The following CCDC158 variants were observed in gnomAD, a reference collection of about 807,000 sequenced individuals.
CCDC158 encodes the protein coiled-coil domain-containing protein 158.
CCDC158 carries 116 observed loss-of-function variants against 138.6 expected under a neutral mutation model. That is an observed-to-expected ratio of 0.84 (90% CI 0.72 to 0.98). The LOEUF is 0.98. Among genes scored for constraint, CCDC158 ranks in the 50% least tolerant of loss-of-function variants. The probability of loss-of-function intolerance (pLI) is 0.00; values close to 1 mark genes in which losing one functional copy is unlikely to be tolerated. For missense variants in CCDC158, 1,265 were observed against 1,306.1 expected, an observed-to-expected ratio of 0.97 and a Z score of 0.48; for synonymous variants, 436 against 442.4, an observed-to-expected ratio of 0.99 and a Z score of 0.18.
At chr4:76,331,027 T>C (rs1186528203) in intron 21 of CCDC158, among the ~76,000 whole-genome samples, 2 of 152,222 alleles carry the variant, frequency 1.3e-5, no homozygotes, top group African/African-American at 4.8e-5. Flanking sequence ...CAGCAATGAA[T>C]TAGCCCCTAT....
At position 76,383,676 on chromosome 4, in the gene CCDC158, T is replaced by C; in HGVS notation, c.789A>G (p.Gln263=). ...CAGAAACCTACCTATCTTGGTGTTG[T>C]TGCAGAAGTAGTTCTATTTTGTTCT... ...ESQNKIELLL[Q]QHQDRIEQLI... Residue 263 remains glutamine (Q), a synonymous_variant, in exon 7 of 25, where the codon CAA becomes CAG. Coordinates refer to ENST00000682701, the MANE Select transcript of CCDC158 (RefSeq NM_001394954.1). 1 of 1,612,726 alleles carries C rather than the reference T, an allele frequency of 6.2e-7. No homozygotes were observed. The highest frequency in any genetic ancestry group is 1.1e-5 in the South Asian group (1 of 91,038).
At chr4:76,417,719 C>T (rs930424406) in intron 1 of CCDC158, among the ~76,000 whole-genome samples, 1 of 152,220 alleles carries the variant, frequency 6.6e-6, no homozygotes, top group Non-Finnish European at 1.5e-5. Flanking sequence ...CAGACTAACA[C>T]AGCTCCTCTA....
chr4:76,404,552 GATGAA>G (rs1238603727), intron 2 of CCDC158, among the ~76,000 whole-genome samples: 4 of 151,994 alleles, frequency 2.6e-5, no homozygotes, highest in African/African-American at 7.2e-5. Flanking sequence ...AACAGGAAGA[GATGAA>G]ATGAGAGTTG....
At chr4:76,405,897 C>T (rs904617443) in intron 2 of CCDC158, among the ~76,000 whole-genome samples, 1 of 151,834 alleles carries the variant, frequency 6.6e-6, no homozygotes, top group Admixed American at 6.6e-5. Flanking sequence ...AAAGAAGAAA[C>T]ACCAAATAAA....
intron 18 of CCDC158, chr4:76,345,188 G>A: frequency 1.0e-6 from 1 of 974,572 alleles, no homozygotes; most frequent in Non-Finnish European, 1.7e-6. Flanking sequence ...AGGTTGCTGT[G>A]CTATTTGACA....
At chr4:76,418,339 T>C (rs1729857220) in intron 1 of CCDC158, among the ~76,000 whole-genome samples, 1 of 152,128 alleles carries the variant, frequency 6.6e-6, no homozygotes, top group Non-Finnish European at 1.5e-5. Flanking sequence ...TAAAACTGAA[T>C]TGTGTGCTGA....
chr4:76,315,725 C>T (rs1170556382), intron 24 of CCDC158, among the ~76,000 whole-genome samples: 1 of 152,212 alleles, frequency 6.6e-6, no homozygotes, highest in East Asian at 1.9e-4. Context: ...CTTTACTCCC[C>T]TACGTCCTCT....
chr4:76,354,245 A>AG (rs1217249048), intron 15 of CCDC158, among the ~76,000 whole-genome samples: 6 of 151,306 alleles, frequency 4.0e-5, no homozygotes, highest in East Asian at 1.9e-4. Flanking sequence ...AAAAAAAAAA[A>AG]AAAAAAAAAA....
At chr4:76,416,576 C>T (rs1729719626) in intron 1 of CCDC158, among the ~76,000 whole-genome samples, 1 of 152,190 alleles carries the variant, frequency 6.6e-6, no homozygotes, top group Non-Finnish European at 1.5e-5. Flanking sequence ...GGGCTGAGCC[C>T]AGGGTCCCTG....
chr4:76,401,019 T>C (rs1477275119), intron 3 of CCDC158, among the ~76,000 whole-genome samples: 2 of 151,976 alleles, frequency 1.3e-5, no homozygotes, highest in Admixed American at 6.6e-5. Context: ...TGGGGAGCTT[T>C]AAAAAAAACC....
chr4:76,334,346 G>C (rs1431741281), intron 18 of CCDC158, among the ~76,000 whole-genome samples, 179 bp from the exon 19 acceptor site: 1 of 152,102 alleles, frequency 6.6e-6, no homozygotes, highest in Non-Finnish European at 1.5e-5. Context: ...ATAATCAATA[G>C]AGTACTATAT....
intron 20 of CCDC158, among the ~76,000 whole-genome samples, 191 bp downstream of exon 20, chr4:76,332,241 A>G (rs998045859): frequency 1.3e-5 from 2 of 152,212 alleles, no homozygotes; most frequent in Non-Finnish European, 2.9e-5. Flanking sequence ...ATGTCTATTG[A>G]GTTGATTTCT....
chr4:76,339,513 G>A lies in CCDC158; in HGVS notation c.2665-5346C>T, dbSNP rs556139174. Reference sequence around the variant, plus strand: ...CAAGTCTATTGATGTTAACAACAAGGCAACAATGCTTGTTTTGTGCTGTGT... The same window carrying A: ...CAAGTCTATTGATGTTAACAACAAGACAACAATGCTTGTTTTGTGCTGTGT... On this transcript the variant is annotated intron_variant, in intron 18 of 24. Transcript: ENST00000682701. Among the ~76,000 whole-genome samples, 3 of 152,344 alleles carry A rather than the reference G, an allele frequency of 2.0e-5. No individual in the cohort carries two copies. The South Asian group carries it at 6.2e-4, about 32-fold the overall frequency.
chr4:76,383,428 C>T (rs1007256094), intron 7 of CCDC158, among the ~76,000 whole-genome samples: 7 of 151,112 alleles, frequency 4.6e-5, no homozygotes, highest in Admixed American at 4.6e-4. Context: ...TGAGCTTAAT[C>T]TCTCTCTCTC....
At chr4:76,374,723 T>C (rs1348773870) in intron 9 of CCDC158, among the ~76,000 whole-genome samples, 1 of 152,176 alleles carries the variant, frequency 6.6e-6, no homozygotes, top group Non-Finnish European at 1.5e-5. Context: ...GCATAAACCA[T>C]TTCTATCCTT....
At chr4:76,372,626 T>G (rs1408758612) in intron 9 of CCDC158, among the ~76,000 whole-genome samples, 3 of 152,208 alleles carry the variant, frequency 2.0e-5, no homozygotes, top group African/African-American at 7.2e-5. Context: ...AGCCACTACT[T>G]TTTTAAAGGA....
Position 76,364,826 on chromosome 4 carries a change from GAAAT to G in CCDC158, c.1830+2464_1830+2467del, listed in dbSNP as rs150894597. ...AACTGTGGAGACCAATGATACATCT[GAAAT>G]ATAGCCACATGACAAGCTTTTGGCT... is the stretch of plus-strand genomic sequence containing the variant. On this transcript the variant is annotated intron_variant, in intron 12 of 24. Coordinates refer to ENST00000682701, the MANE Select transcript of CCDC158 (RefSeq NM_001394954.1). 6.0e-3 allele frequency among the ~76,000 whole-genome samples: 909 copies of G among 152,334 alleles called. 2 individuals are homozygous for G. Among genetic ancestry groups the G allele is most frequent in the Non-Finnish European group, 0.011 (739 of 68,040 alleles).
intron 24 of CCDC158, among the ~76,000 whole-genome samples, chr4:76,321,308 A>T (rs1046663153): frequency 5.3e-5 from 8 of 152,112 alleles, no homozygotes; most frequent in Admixed American, 3.9e-4. Context: ...GTAAAAAGGG[A>T]ACACTTTTAC....
intron 1 of CCDC158, among the ~76,000 whole-genome samples, chr4:76,416,447 A>G (rs1167837347): frequency 6.6e-6 from 1 of 152,100 alleles, no homozygotes; most frequent in Non-Finnish European, 1.5e-5. Flanking sequence ...GCTGGACTCT[A>G]CAGAGTCTAA....
Sources: gnomAD v4.1 joint callset for allele counts (sites outside exome capture counted in the v4.1 genomes callset) on GRCh38, gnomAD v4.1.1 for gene constraint, MANE v1.5 for transcripts, NCBI Gene and HGNC (gene_info 2026-07-23, HGNC 2026-07-21) for gene names.